The following DENND5B variants were observed in gnomAD, a reference collection of about 807,000 sequenced individuals.
DENND5B encodes DENN domain-containing protein 5B.
In DENND5B, 34 loss-of-function variants were observed where a neutral mutation model predicts 140.6. The ratio of observed to expected loss-of-function variants is 0.24; its 90% CI spans 0.18 to 0.32. The LOEUF is 0.32. Among genes scored for constraint, DENND5B ranks in the 10% least tolerant of loss-of-function variants. The pLI is 1.00. For missense variants in DENND5B, 1,142 were observed against 1,560.2 expected (o/e 0.73, Z 4.52); for synonymous variants, 551 against 562.1 (o/e 0.98, Z 0.28).
chr12:31,521,128 T>C (rs1947862536), intron 1 of DENND5B, among the ~76,000 whole-genome samples: 2 of 151,508 alleles, frequency 1.3e-5, no homozygotes, highest in South Asian at 4.2e-4. Context: ...AATTTCATCA[T>C]AAGGGATTGC....
intron 1 of DENND5B, among the ~76,000 whole-genome samples, chr12:31,581,113 TATAA>T (rs1179158764): frequency 1.3e-5 from 2 of 152,024 alleles, no homozygotes; most frequent in Admixed American, 6.6e-5. Context: ...TCACTCTTGT[TATAA>T]ATAAACAAAT....
chr12:31,460,881 A>T (rs529669501), intron 3 of DENND5B, among the ~76,000 whole-genome samples: 34 of 151,902 alleles, frequency 2.2e-4, no homozygotes, highest in Non-Finnish European at 3.7e-4. Flanking sequence ...GCCCACCACC[A>T]CACCAGGCTA....
chr12:31,576,097 T>C (rs1950004323), intron 1 of DENND5B, among the ~76,000 whole-genome samples: 1 of 141,226 alleles, frequency 7.1e-6, no homozygotes, highest in South Asian at 2.2e-4. Context: ...GCTATGACTG[T>C]GCCACTGCAC....
intron 1 of DENND5B, among the ~76,000 whole-genome samples, chr12:31,561,899 A>G (rs1421666550): frequency 1.3e-5 from 2 of 152,168 alleles, no homozygotes; most frequent in African/African-American, 2.4e-5. Context: ...CTTTCTCCGT[A>G]AGTTTAAGCC....
At chr12:31,446,404 C>G (rs1487986706) in intron 6 of DENND5B, among the ~76,000 whole-genome samples, 1 of 152,184 alleles carries the variant, frequency 6.6e-6, no homozygotes, top group Non-Finnish European at 1.5e-5. Context: ...TGGCCTTGGC[C>G]TTCCAAAGTG....
chr12:31,440,006 G>A (rs551018838), intron 7 of DENND5B, among the ~76,000 whole-genome samples: 27 of 145,554 alleles, frequency 1.9e-4, no homozygotes, highest in South Asian at 1.5e-3. Context: ...AAAGTGATTC[G>A]AACAATTAGG....
intron 10 of DENND5B, 38 bp downstream of exon 10, chr12:31,424,497 T>C: frequency 1.9e-6 from 3 of 1,581,666 alleles, no homozygotes; most frequent in Non-Finnish European, 2.6e-6. Context: ...ACAGGGCTCT[T>C]AACTGGCCAT....
intron 2 of DENND5B, among the ~76,000 whole-genome samples, chr12:31,485,942 C>T (rs1233190235): frequency 1.3e-5 from 2 of 152,176 alleles, no homozygotes; most frequent in Non-Finnish European, 2.9e-5. Context: ...GATTTCAGTC[C>T]TCAGACTTCA....
intron 3 of DENND5B, among the ~76,000 whole-genome samples, chr12:31,468,572 C>T (rs1945385847): frequency 6.6e-6 from 1 of 151,684 alleles, no homozygotes; most frequent in Non-Finnish European, 1.5e-5. Context: ...TTTGGGAGGC[C>T]AATGCAGGAG....
chr12:31,464,545 T>C lies in DENND5B; in HGVS notation c.905-4164A>G, dbSNP rs139762550. Among the ~76,000 whole-genome samples the C allele has an allele frequency of 1.1e-4, 17 of 152,202 alleles. No individual in the cohort carries two copies. The East Asian group carries it at 3.3e-3, about 29-fold the overall frequency. On this transcript the variant is annotated intron_variant, in intron 3 of 20. Transcript: ENST00000389082. Reference sequence around the variant, plus strand: ...TACCCCATCATCTCCTAGAGAGCAATATATGTATTTTTCTTTTTATTTATT... The same window carrying C: ...TACCCCATCATCTCCTAGAGAGCAACATATGTATTTTTCTTTTTATTTATT...
chr12:31,571,530 T>C (rs1286076061), intron 1 of DENND5B, among the ~76,000 whole-genome samples: 1 of 152,214 alleles, frequency 6.6e-6, no homozygotes, highest in African/African-American at 2.4e-5. Context: ...ATTTAATTTC[T>C]ATCTCTCAAA....
chr12:31,576,907 A>T (rs556469476), intron 1 of DENND5B, among the ~76,000 whole-genome samples: 5 of 152,212 alleles, frequency 3.3e-5, no homozygotes, highest in Admixed American at 3.3e-4. Context: ...TCTAAAAAAA[A>T]AAAGAGCGAG....
rs1565637337 is a variant in DENND5B, at chr12:31,495,794, G to T, written c.237+16C>A. The stretch of plus-strand genomic sequence containing the variant: ...AACAAGGCTAAAGAGTAAATGAGGG[G>T]AAAAAAAACACATACCATGTTCACC... On this transcript the variant is annotated intron_variant, in intron 2 of 20. Coordinates refer to ENST00000389082, the MANE Select transcript of DENND5B (RefSeq NM_144973.4). The T allele has an allele frequency of 6.4e-7, 1 of 1,570,344 alleles. No individual in the cohort carries two copies. Among genetic ancestry groups the T allele is most frequent in the African/African-American group, 1.4e-5 (1 of 73,668 alleles).
chr12:31,412,921 C>A (rs780102115), intron 13 of DENND5B, among the ~76,000 whole-genome samples: 4 of 152,060 alleles, frequency 2.6e-5, no homozygotes, highest in South Asian at 2.1e-4. Flanking sequence ...TCTGGCAGAG[C>A]AATCCGGCCT....
At chr12:31,573,632 G>C (rs1279474135) in intron 1 of DENND5B, among the ~76,000 whole-genome samples, 1 of 152,208 alleles carries the variant, frequency 6.6e-6, no homozygotes, top group Admixed American at 6.5e-5. Context: ...CAACACTTGT[G>C]CAAGAGACTC....
At chr12:31,387,923 A>G in intron 20 of DENND5B, 137 bp from the exon 21 acceptor site, 1 of 812,544 alleles carries the variant, frequency 1.2e-6, no homozygotes, top group South Asian at 2.3e-5. Context: ...GTCAGGAGAG[A>G]GGAAATCAAA....
chr12:31,482,513 T>C (rs888732137), intron 2 of DENND5B, among the ~76,000 whole-genome samples: 6 of 152,136 alleles, frequency 3.9e-5, no homozygotes, highest in African/African-American at 1.4e-4. Flanking sequence ...CATTATCCAA[T>C]CCATCAGCAA....
intron 1 of DENND5B, among the ~76,000 whole-genome samples, chr12:31,538,180 AT>A (rs944853334): frequency 3.2e-4 from 48 of 152,368 alleles, no homozygotes; most frequent in African/African-American, 9.6e-4. Context: ...AGATACATAC[AT>A]AACATTTCAT....
chr12:31,564,373 G>A (rs1949563986), intron 1 of DENND5B, among the ~76,000 whole-genome samples: 1 of 151,878 alleles, frequency 6.6e-6, no homozygotes, highest in South Asian at 2.1e-4. Context: ...GAGTATGTGA[G>A]GATCTAGTGC....
Sources: allele counts gnomAD v4.1 joint callset (sites outside exome capture counted in the v4.1 genomes callset), GRCh38; gene constraint gnomAD v4.1.1; transcripts MANE v1.5; gene names NCBI Gene and HGNC (gene_info 2026-07-23, HGNC 2026-07-21).